The following HDAC9 variants were observed in gnomAD, a reference collection of about 807,000 sequenced individuals.
HDAC9 encodes the protein MEF-2 interacting transcription repressor (MITR) protein.
HDAC9 carries 41 observed loss-of-function variants against 139.4 expected under a neutral mutation model. The ratio of observed to expected loss-of-function variants is 0.29; its 90% CI spans 0.23 to 0.38. The LOEUF is 0.38. Among genes scored for constraint, HDAC9 ranks in the 10% least tolerant of loss-of-function variants. The pLI is 1.00. For missense variants in HDAC9, 1,147 were observed against 1,297.0 expected (o/e 0.88, Z 1.78); for synonymous variants, 517 against 476.2 (o/e 1.09, Z -1.12).
chr7:18,230,958 A>G (rs777132035), intron 2 of HDAC9, among the ~76,000 whole-genome samples: 2 of 152,180 alleles, frequency 1.3e-5, no homozygotes, highest in Non-Finnish European at 2.9e-5. Flanking sequence ...AAATAGTGAG[A>G]AAAGTATCTT....
chr7:18,674,387 T>C (rs1458235096), intron 12 of HDAC9, among the ~76,000 whole-genome samples: 1 of 152,078 alleles, frequency 6.6e-6, no homozygotes, highest in Non-Finnish European at 1.5e-5. Context: ...GTCTTCATAA[T>C]TCAACCTTTA....
intron 16 of HDAC9, among the ~76,000 whole-genome samples, chr7:18,771,598 C>G (rs1179086604): frequency 1.3e-5 from 2 of 151,412 alleles, no homozygotes; most frequent in Admixed American, 6.6e-5. Context: ...TATACACATA[C>G]ATAATCAGGA....
rs1484526974 is a variant in HDAC9, at chr7:18,661,666, T to C, written c.1468-4547T>C. ...TTTCAAGTCCAGCATTTTATATCTA[T>C]ATGTTTTCTACTCAGAAGTTACTGT... On this transcript the variant is annotated intron_variant, in intron 11 of 25. Coordinates refer to ENST00000686413, the MANE Select transcript of HDAC9 (RefSeq NM_178425.4). 2.6e-5 allele frequency among the ~76,000 whole-genome samples: 4 copies of C among 152,124 alleles called. No individual in the cohort carries two copies. In the East Asian group the frequency reaches 5.8e-4, roughly 22 times the overall value.
At chr7:18,873,855 A>T (rs866249426) in intron 21 of HDAC9, among the ~76,000 whole-genome samples, 10 of 152,132 alleles carry the variant, frequency 6.6e-5, no homozygotes, top group African/African-American at 1.9e-4. Flanking sequence ...TGGGGCCAGC[A>T]GGGGTTGCTG....
At chr7:18,214,110 G>A (rs928133514) in intron 2 of HDAC9, among the ~76,000 whole-genome samples, 2 of 151,960 alleles carry the variant, frequency 1.3e-5, no homozygotes, top group Non-Finnish European at 2.9e-5. Context: ...CTACAACATA[G>A]TATTATAAGG....
At chr7:18,664,455 C>T (rs778512226) in intron 11 of HDAC9, among the ~76,000 whole-genome samples, 3 of 152,082 alleles carry the variant, frequency 2.0e-5, no homozygotes, top group Admixed American at 6.6e-5. Context: ...TTACTCTTCA[C>T]CCAAATATAT....
intron 2 of HDAC9, chr7:18,505,765 A>G (rs1331194462): frequency 1.3e-5 from 2 of 152,224 alleles, no homozygotes; most frequent in African/African-American, 2.4e-5. Flanking sequence ...TCAGGAATCA[A>G]TACATTGTAA....
At chr7:18,287,683 G>T (rs1797540765), upstream of HDAC9, among the ~76,000 whole-genome samples, 1 of 152,224 alleles carries the variant, frequency 6.6e-6, no homozygotes. Flanking sequence ...TCCTGCCCTG[G>T]TCTCCTTCAC....
chr7:18,751,938 C>G (rs1788483467), intron 14 of HDAC9, among the ~76,000 whole-genome samples: 1 of 151,990 alleles, frequency 6.6e-6, no homozygotes, highest in Admixed American at 6.6e-5. Flanking sequence ...CTACCTAGTG[C>G]TCTCCCAAGT....
intron 2 of HDAC9, among the ~76,000 whole-genome samples, chr7:18,276,531 A>G (rs548846713): frequency 3.3e-5 from 5 of 152,278 alleles, no homozygotes; most frequent in Non-Finnish European, 7.3e-5. Flanking sequence ...CTGAGCTGTG[A>G]TTGATCATCA....
At chr7:18,995,840 G>A (rs1248862595) in intron 25 of HDAC9, among the ~76,000 whole-genome samples, 183 bp from the exon 26 acceptor site, 10 of 152,080 alleles carry the variant, frequency 6.6e-5, no homozygotes, top group Non-Finnish European at 1.3e-4. Context: ...TGCTTGGATC[G>A]AAAATGTTTT....
At chr7:18,234,057 G>C (rs900535086) in intron 2 of HDAC9, among the ~76,000 whole-genome samples, 9 of 152,048 alleles carry the variant, frequency 5.9e-5, no homozygotes, top group African/African-American at 9.7e-5. Context: ...CACCTTTGTT[G>C]GTTCTTCAGT....
intron 12 of HDAC9, among the ~76,000 whole-genome samples, chr7:18,700,638 C>G (rs770859971): frequency 1.3e-4 from 20 of 152,216 alleles, no homozygotes; most frequent in Non-Finnish European, 2.2e-4. Flanking sequence ...ACCCAGGAAT[C>G]TACTGATCAG....
intron 1 of HDAC9, among the ~76,000 whole-genome samples, chr7:18,133,643 T>G (rs1278332137): frequency 2.0e-5 from 3 of 152,126 alleles, no homozygotes; most frequent in African/African-American, 7.2e-5. Flanking sequence ...TTAAATGACT[T>G]AATGGGCTCG....
At chr7:18,261,330 T>C (rs572925039) in intron 2 of HDAC9, among the ~76,000 whole-genome samples, 1 of 152,076 alleles carries the variant, frequency 6.6e-6, no homozygotes, top group South Asian at 2.1e-4. Flanking sequence ...TAAAATAAAA[T>C]AAAACATAGT....
intron 1 of HDAC9, among the ~76,000 whole-genome samples, chr7:18,346,632 TA>T (rs1395602679): frequency 6.6e-6 from 1 of 152,172 alleles, no homozygotes; most frequent in Non-Finnish European, 1.5e-5. Context: ...GTATTTTTAG[TA>T]AATATACTCT....
chr7:18,249,512 AAAAAAAAAAAAC>A (rs1375327025), intron 2 of HDAC9, among the ~76,000 whole-genome samples: 3 of 147,860 alleles, frequency 2.0e-5, no homozygotes, highest in Non-Finnish European at 4.5e-5. Context: ...CAAAAAAAAA[AAAAAAAAAAAAC>A]AAAAAAAAAA....
intron 1 of HDAC9, among the ~76,000 whole-genome samples, chr7:18,311,410 A>G (rs193067367): frequency 2.0e-3 from 297 of 152,172 alleles, no homozygotes; most frequent in Non-Finnish European, 3.5e-3. Context: ...CCATTTTATT[A>G]TGTTTAATTT....
At chr7:18,106,431 A>G (rs987708101) in intron 1 of HDAC9, among the ~76,000 whole-genome samples, 1 of 151,622 alleles carries the variant, frequency 6.6e-6, no homozygotes, top group Admixed American at 6.6e-5. Context: ...CATGCTGTCT[A>G]TGAGTCTTAT....
Sources: allele counts gnomAD v4.1 joint callset (sites outside exome capture counted in the v4.1 genomes callset), GRCh38; gene constraint gnomAD v4.1.1; transcripts MANE v1.5; gene names NCBI Gene and HGNC (gene_info 2026-07-23, HGNC 2026-07-21).